PTPRO: variants seen among roughly 807,000 people sequenced by gnomAD.
The protein encoded by PTPRO is receptor-type tyrosine-protein phosphatase O.
PTPRO carries 62 observed loss-of-function variants against 145.2 expected under a neutral mutation model. The ratio of observed to expected loss-of-function variants is 0.43; its 90% CI spans 0.35 to 0.53. PTPRO has a LOEUF of 0.53. Among genes scored for constraint, PTPRO ranks in the 20% least tolerant of loss-of-function variants. The pLI is 0.01. For missense variants in PTPRO, 1,345 were observed against 1,482.7 expected, an observed-to-expected ratio of 0.91 and a Z score of 1.53; for synonymous variants, 565 against 514.7, an observed-to-expected ratio of 1.10 and a Z score of -1.32.
intron 1 of PTPRO, among the ~76,000 whole-genome samples, chr12:15,480,791 A>T (rs1941763339): frequency 6.6e-6 from 1 of 152,170 alleles, no homozygotes; most frequent in South Asian, 2.1e-4. Context: ...GGACGGACAG[A>T]CACACACACA....
chr12:15,545,346 A>T (rs186970892), intron 12 of PTPRO, among the ~76,000 whole-genome samples: 6 of 151,898 alleles, frequency 4.0e-5, no homozygotes, highest in Admixed American at 3.9e-4. Context: ...AAGGTACAAT[A>T]TGTCCAAATA....
chr12:15,350,698 G>A (rs879662893), intron 1 of PTPRO, among the ~76,000 whole-genome samples: 1 of 152,198 alleles, frequency 6.6e-6, no homozygotes, highest in Admixed American at 6.5e-5. Context: ...AAGGGAAGCA[G>A]CCACTAACTG....
chr12:15,378,454 G>A (rs1023736666), intron 1 of PTPRO, among the ~76,000 whole-genome samples: 9 of 152,024 alleles, frequency 5.9e-5, no homozygotes, highest in Admixed American at 3.3e-4. Flanking sequence ...AGATGAAACC[G>A]ATAAATTTCT....
At chr12:15,521,015 T>C (rs1320371225) in intron 10 of PTPRO, among the ~76,000 whole-genome samples, 1 of 152,178 alleles carries the variant, frequency 6.6e-6, no homozygotes, top group Non-Finnish European at 1.5e-5. Flanking sequence ...GCATCATCAG[T>C]AGTCAGAGAT....
At chr12:15,340,000 T>C (rs1160635598) in intron 1 of PTPRO, among the ~76,000 whole-genome samples, 1 of 152,174 alleles carries the variant, frequency 6.6e-6, no homozygotes, top group Non-Finnish European at 1.5e-5. Flanking sequence ...GAAGCAGAAA[T>C]TAAATGATTT....
chr12:15,578,938 T>C lies in PTPRO; in HGVS notation c.2915T>C (p.Leu972Pro). 6.3e-7 allele frequency: 1 copy of C among 1,582,792 alleles called. No individual in the cohort carries two copies. ...TGTAAAAACCGTTACACAAACATCC[T>C]ACCATGTAAGATCGTCAATTGTGCC... ...NRCKNRYTNI[L>P]PYDFSRVRLV... Residue 972 changes from leucine (L) to proline (P), a missense_variant, in exon 20 of 27, where the codon CTA becomes CCA. This residue lies in a region of PTPRO where 1,130 missense variants were observed against 1,214.7 expected (regional missense o/e 0.93). Coordinates refer to ENST00000281171, the MANE Select transcript of PTPRO (RefSeq NM_030667.3).
At chr12:15,528,360 CAA>C (rs577995184) in intron 12 of PTPRO, among the ~76,000 whole-genome samples, 3,691 of 124,562 alleles carry the variant, frequency 0.03, 168 homozygotes, top group African/African-American at 0.097. Flanking sequence ...AATAAAAATA[CAA>C]AAAAAAAAAA....
chr12:15,322,582 A>C lies in PTPRO; in HGVS notation c.-145A>C. ...GCAGAGGAGGAAAGGGAGCAGGCGC[A>C]GGGGGACTGGAAAGGCAGCATGCGC... On this transcript the variant is annotated 5_prime_UTR_variant, in exon 1 of 27. Coordinates refer to ENST00000281171, the MANE Select transcript of PTPRO (RefSeq NM_030667.3). This position sits in a 1 kb window ranked among gnomAD's most constrained non-coding sequence, Gnocchi z 6.3. 2 of 719,306 alleles carry C rather than the reference A, an allele frequency of 2.8e-6. No homozygotes were observed. Among genetic ancestry groups the C allele is most frequent in the Non-Finnish European group, 5.0e-6 (2 of 397,522 alleles). The allele number at this position is 719,306 out of a possible 1,614,324, so 44.6% of individuals were successfully genotyped here.
At chr12:15,354,739 T>C (rs996665886) in intron 1 of PTPRO, among the ~76,000 whole-genome samples, 1 of 152,148 alleles carries the variant, frequency 6.6e-6, no homozygotes, top group Non-Finnish European at 1.5e-5. Context: ...ACATGGTCTT[T>C]CTGGATACTC....
chr12:15,523,824 G>T (rs1166931763), intron 10 of PTPRO, among the ~76,000 whole-genome samples: 1 of 151,574 alleles, frequency 6.6e-6, no homozygotes, highest in African/African-American at 2.4e-5. Flanking sequence ...TTGAGGCAGG[G>T]TCTCACTCTG....
intron 1 of PTPRO, among the ~76,000 whole-genome samples, chr12:15,356,305 G>T (rs1246274577): frequency 3.3e-5 from 5 of 152,066 alleles, no homozygotes; most frequent in African/African-American, 9.7e-5. Flanking sequence ...GAATTTTCTA[G>T]AGATACCTTT....
At chr12:15,487,446 G>A (rs770766943) in intron 2 of PTPRO, among the ~76,000 whole-genome samples, 3 of 151,886 alleles carry the variant, frequency 2.0e-5, no homozygotes, top group Non-Finnish European at 4.4e-5. Flanking sequence ...AACTAGAAAG[G>A]AAAGATTTTT....
At chr12:15,392,720 C>CAAAAAAAAAAAAAAAAAAA (rs1177789187) in intron 1 of PTPRO, among the ~76,000 whole-genome samples, 3 of 66,686 alleles carry the variant, frequency 4.5e-5, no homozygotes, top group African/African-American at 6.4e-5. Context: ...GACCCTGTCT[C>CAAAAAAAAAAAAAAAAAAA]AAAAAAAAAA....
chr12:15,360,341 A>G (rs1695867741), intron 1 of PTPRO, among the ~76,000 whole-genome samples: 1 of 152,210 alleles, frequency 6.6e-6, no homozygotes, highest in Admixed American at 6.5e-5. Context: ...ATGATCTAAC[A>G]TCTCTGATTA....
intron 8 of PTPRO, 110 bp downstream of exon 8, chr12:15,515,728 A>G: frequency 2.2e-6 from 3 of 1,380,594 alleles, no homozygotes; most frequent in Non-Finnish European, 3.1e-6. Flanking sequence ...GGTCCATATT[A>G]GTTCATCCAA....
At chr12:15,460,135 T>G (rs1483233712) in intron 1 of PTPRO, among the ~76,000 whole-genome samples, 1 of 152,192 alleles carries the variant, frequency 6.6e-6, no homozygotes, top group Non-Finnish European at 1.5e-5. Context: ...TAAACAAGAA[T>G]GACTTGTTAA....
rs543781109 is a variant in PTPRO at position 15,518,893 on chromosome 12, A to G, written c.1780-1308A>G. On this transcript the variant is annotated intron_variant, in intron 9 of 26. Coordinates refer to ENST00000281171, the MANE Select transcript of PTPRO (RefSeq NM_030667.3). ...TCTCTAGGGAATTCCAAACTTTCCC[A>G]CATTTTACTGTCTTCTGAGCCCTCC... 5.9e-5 allele frequency among the ~76,000 whole-genome samples: 9 copies of G among 152,298 alleles called. No individual in the cohort carries two copies. The East Asian group carries it at 1.4e-3, about 23-fold the overall frequency.
chr12:15,344,457 GCTCT>G (rs1240952691), intron 1 of PTPRO, among the ~76,000 whole-genome samples: 11 of 152,124 alleles, frequency 7.2e-5, no homozygotes, highest in African/African-American at 2.4e-4. Flanking sequence ...GAAAAGAATA[GCTCT>G]CTATCTTCCT....
chr12:15,451,298 C>CAT (rs576427811), intron 1 of PTPRO, among the ~76,000 whole-genome samples: 2,066 of 150,354 alleles, frequency 0.014, 18 homozygotes, highest in Non-Finnish European at 0.02. Flanking sequence ...ATCCTATATA[C>CAT]ATATATATAT....
Sources: allele counts gnomAD v4.1 joint callset (sites outside exome capture counted in the v4.1 genomes callset), GRCh38; gene constraint gnomAD v4.1.1; regional missense constraint gnomAD v4.1.1; non-coding constraint Gnocchi (gnomAD v3.1); transcripts MANE v1.5; gene names NCBI Gene and HGNC (gene_info 2026-07-23, HGNC 2026-07-21).